Variants in STX8 observed in about 807,000 individuals in gnomAD.
STX8 encodes syntaxin 8, also known as syntaxin-8.
A neutral mutation model predicts 37.5 loss-of-function variants in STX8; 23 were observed. That is an observed-to-expected ratio of 0.61 (90% CI 0.44 to 0.87). The LOEUF (loss-of-function observed/expected upper bound fraction) is 0.87, where lower values mean the gene tolerates loss of function less well. STX8 is among the 40% of genes least tolerant of loss of function. STX8 has a pLI of 0.00. For missense variants in STX8, 313 were observed against 284.7 expected (o/e 1.10, Z -0.71); for synonymous variants, 115 against 99.1 (o/e 1.16, Z -0.95).
chr17:9,268,870 A>T (rs1907330593), intron 7 of STX8, among the ~76,000 whole-genome samples: 1 of 152,226 alleles, frequency 6.6e-6, no homozygotes, highest in Non-Finnish European at 1.5e-5. Flanking sequence ...CATGGATTCT[A>T]TCAGCAAGAA....
rs371796917 is a variant in STX8 at position 9,372,519 on chromosome 17, C to A, written c.643+6033G>T. ...CTGAGATGGAGTCATGCTTTTTTGCCCAGGCTGGAGTGCAGTGGCATGATC... is the reference window on the plus strand; with the variant it reads ...CTGAGATGGAGTCATGCTTTTTTGCACAGGCTGGAGTGCAGTGGCATGATC... On this transcript the variant is annotated intron_variant, in intron 7 of 7. Coordinates refer to ENST00000306357, the MANE Select transcript of STX8 (RefSeq NM_004853.3). Among the ~76,000 whole-genome samples, 112 of 151,564 alleles carry A rather than the reference C, an allele frequency of 7.4e-4. No homozygotes were observed. In the South Asian group the frequency reaches 0.023, roughly 31 times the overall value.
At chr17:9,518,989 T>C (rs963762567) in intron 4 of STX8, among the ~76,000 whole-genome samples, 5 of 151,672 alleles carry the variant, frequency 3.3e-5, no homozygotes, top group African/African-American at 9.7e-5. Context: ...GAACTAGGGG[T>C]GGGGAGGGAC....
At chr17:9,422,964 T>C (rs75468744) in intron 6 of STX8, among the ~76,000 whole-genome samples, 4,852 of 152,288 alleles carry the variant, frequency 0.032, 230 homozygotes, top group African/African-American at 0.1. Flanking sequence ...ACCATGCAGC[T>C]CCTCAGAAGA....
intron 7 of STX8, among the ~76,000 whole-genome samples, chr17:9,346,822 T>C (rs146522506): frequency 3.7e-4 from 56 of 152,206 alleles, no homozygotes; most frequent in African/African-American, 1.3e-3. Context: ...CATGAAGAGA[T>C]ATACTCAAAG....
At chr17:9,389,621 C>A (rs1416694625) in intron 6 of STX8, among the ~76,000 whole-genome samples, 1 of 151,956 alleles carries the variant, frequency 6.6e-6, no homozygotes, top group Non-Finnish European at 1.5e-5. Context: ...TCAATACATT[C>A]TATATATAGG....
chr17:9,319,118 T>C (rs1306551739), intron 7 of STX8, among the ~76,000 whole-genome samples: 1 of 152,204 alleles, frequency 6.6e-6, no homozygotes, highest in Non-Finnish European at 1.5e-5. Context: ...TTAAGAGATG[T>C]TGATATATTA....
chr17:9,562,338 G>A (rs534487129), intron 2 of STX8, among the ~76,000 whole-genome samples: 14 of 151,846 alleles, frequency 9.2e-5, no homozygotes, highest in Admixed American at 7.2e-4. Flanking sequence ...CCCGGGAGGC[G>A]GAGCTTGAAG....
chr17:9,410,360 G>A (rs941198595), intron 6 of STX8, among the ~76,000 whole-genome samples: 13 of 152,262 alleles, frequency 8.5e-5, no homozygotes, highest in Middle Eastern at 3.4e-3. Flanking sequence ...AAAATTGTAC[G>A]TTTCCTTCCT....
intron 7 of STX8, among the ~76,000 whole-genome samples, chr17:9,288,118 G>GAAAAAAAAAAAA (rs1908151039): frequency 3.7e-5 from 1 of 26,782 alleles, no homozygotes; most frequent in African/African-American, 1.6e-4. Context: ...GGGGAGAAAA[G>GAAAAAAAAAAAA]CAAAACAAAC....
At chr17:9,258,853 C>G (rs922444342) in intron 7 of STX8, among the ~76,000 whole-genome samples, 1 of 152,206 alleles carries the variant, frequency 6.6e-6, no homozygotes, top group Non-Finnish European at 1.5e-5. Flanking sequence ...CATTTTCCAC[C>G]CGCCCCAGGG....
chr17:9,319,701 C>T (rs1386911360), intron 7 of STX8, among the ~76,000 whole-genome samples: 4 of 152,126 alleles, frequency 2.6e-5, no homozygotes, highest in Non-Finnish European at 4.4e-5. Flanking sequence ...ACCTGTAATC[C>T]CAGCACTTTG....
At chr17:9,464,049 TG>T in intron 6 of STX8, among the ~76,000 whole-genome samples, 1 of 152,326 alleles carries the variant, frequency 6.6e-6, no homozygotes, top group East Asian at 1.9e-4. Context: ...CACTCCAGCC[TG>T]GGTAACAGAG....
intron 6 of STX8, among the ~76,000 whole-genome samples, chr17:9,469,458 TAGTC>T (rs1398115877): frequency 2.6e-5 from 4 of 152,108 alleles, no homozygotes; most frequent in Non-Finnish European, 5.9e-5. Flanking sequence ...ACAGTGGTAT[TAGTC>T]AGTTACATGT....
intron 4 of STX8, among the ~76,000 whole-genome samples, chr17:9,508,788 A>G (rs1904932256): frequency 1.3e-5 from 2 of 152,258 alleles, no homozygotes; most frequent in African/African-American, 4.8e-5. Context: ...AGAAGGGCAA[A>G]TGTACAGAAA....
chr17:9,349,797 T>A (rs1910649180), intron 7 of STX8, among the ~76,000 whole-genome samples: 1 of 151,786 alleles, frequency 6.6e-6, no homozygotes, highest in African/African-American at 2.4e-5. Context: ...TGTGATAATG[T>A]GAGAGGATGA....
At chr17:9,527,185 C>CAAAAAAAAAAAAAAAAAAAA (rs61665330) in intron 4 of STX8, among the ~76,000 whole-genome samples, 1 of 49,634 alleles carries the variant, frequency 2.0e-5, no homozygotes, top group African/African-American at 9.7e-5. Flanking sequence ...GACTCCGTCT[C>CAAAAAAAAAAAAAAAAAAAA]AAAAAAAAAA....
chr17:9,306,595 CAAAAAAAAA>C (rs71135963), intron 7 of STX8, among the ~76,000 whole-genome samples: 759 of 69,896 alleles, frequency 0.011, 8 homozygotes, highest in Non-Finnish European at 0.014. Context: ...ACTAAAAATA[CAAAAAAAAA>C]AAAAAAAAAA....
intron 4 of STX8, among the ~76,000 whole-genome samples, chr17:9,543,708 T>A (rs1480391845): frequency 6.6e-6 from 1 of 152,164 alleles, no homozygotes; most frequent in East Asian, 1.9e-4. Flanking sequence ...ACCCTGGGAC[T>A]GAATATGCCA....
At chr17:9,388,759 T>C (rs1912104217) in intron 6 of STX8, among the ~76,000 whole-genome samples, 1 of 146,358 alleles carries the variant, frequency 6.8e-6, no homozygotes, top group Non-Finnish European at 1.5e-5. Context: ...GCCAACACAG[T>C]GCCATTGCAC....
Sources: gnomAD v4.1 joint callset for allele counts (sites outside exome capture counted in the v4.1 genomes callset) on GRCh38, gnomAD v4.1.1 for gene constraint, MANE v1.5 for transcripts, NCBI Gene and HGNC (gene_info 2026-07-23, HGNC 2026-07-21) for gene names.